Variants in AKT3 observed in about 807,000 individuals in gnomAD.
AKT3 encodes the protein RAC-gamma serine/threonine-protein kinase.
In AKT3, 15 loss-of-function variants were observed where a neutral mutation model predicts 65.3. The ratio of observed to expected loss-of-function variants is 0.23; its 90% confidence interval spans 0.15 to 0.35. The LOEUF (loss-of-function observed/expected upper bound fraction) is 0.35. AKT3 is among the 10% of genes least tolerant of loss of function. AKT3 has a pLI of 1.00. For synonymous variants in AKT3, 206 were observed against 183.8 expected, an observed-to-expected ratio of 1.12 and a Z score of -0.98; for missense variants, 243 against 576.5, an observed-to-expected ratio of 0.42 and a Z score of 5.92.
intron 12 of AKT3, among the ~76,000 whole-genome samples, chr1:243,518,045 G>T (rs796989218): frequency 2.0e-5 from 3 of 152,190 alleles, no homozygotes; most frequent in East Asian, 3.8e-4. Context: ...CTGGTTAAAT[G>T]GCTTGCCAAA....
intron 13 of AKT3, among the ~76,000 whole-genome samples, chr1:243,493,335 T>C (rs1426025785): frequency 6.6e-6 from 1 of 152,060 alleles, no homozygotes; most frequent in East Asian, 1.9e-4. Context: ...GCCTGGGGGC[T>C]CTAACATCTG....
At chr1:243,744,885 G>A (rs573558860) in intron 2 of AKT3, among the ~76,000 whole-genome samples, 1 of 151,918 alleles carries the variant, frequency 6.6e-6, no homozygotes, top group African/African-American at 2.4e-5. Context: ...TCACCATGAG[G>A]GGATCTCATT....
At chr1:243,630,412 C>T (rs1679521575) in intron 6 of AKT3, among the ~76,000 whole-genome samples, 1 of 152,170 alleles carries the variant, frequency 6.6e-6, no homozygotes, top group African/African-American at 2.4e-5. Context: ...TTATCTGCTT[C>T]CAAAATACAA....
chr1:243,653,235 A>G (rs560502174), intron 4 of AKT3, among the ~76,000 whole-genome samples: 21 of 152,358 alleles, frequency 1.4e-4, no homozygotes, highest in African/African-American at 4.8e-4. Context: ...CAAATAAACT[A>G]GAAAATCTAG....
intron 2 of AKT3, among the ~76,000 whole-genome samples, chr1:243,818,417 G>C (rs1289813075): frequency 6.6e-6 from 1 of 152,048 alleles, no homozygotes; most frequent in Non-Finnish European, 1.5e-5. Flanking sequence ...ACACATCCCA[G>C]TTTCTGGCAC....
chr1:243,618,569 A>G (rs2148615509), intron 6 of AKT3, among the ~76,000 whole-genome samples: 1 of 152,316 alleles, frequency 6.6e-6, no homozygotes, highest in South Asian at 2.1e-4. Context: ...GAAGAGTTCT[A>G]GAAATGCTTG....
chr1:243,634,359 T>C (rs1679823469), intron 6 of AKT3, among the ~76,000 whole-genome samples: 1 of 152,008 alleles, frequency 6.6e-6, no homozygotes, highest in Non-Finnish European at 1.5e-5. Context: ...TTCCTACACA[T>C]ACTACCTAAG....
At chr1:243,499,031 C>T (rs746897720), downstream of AKT3, among the ~76,000 whole-genome samples, 3 of 152,228 alleles carry the variant, frequency 2.0e-5, no homozygotes, top group Non-Finnish European at 4.4e-5. Flanking sequence ...GGAGTGGAAA[C>T]ATTTCCAGTG....
chr1:243,722,737 C>T lies in AKT3; in HGVS notation c.47-27021G>A, dbSNP rs562725350. Among the ~76,000 whole-genome samples the T allele has an allele frequency of 4.6e-5, 7 of 152,164 alleles. No homozygotes were observed. In the South Asian group the frequency reaches 1.5e-3, roughly 32 times the overall value. On this transcript the variant is annotated intron_variant, in intron 2 of 13. Coordinates refer to ENST00000673466, the MANE Select transcript of AKT3 (RefSeq NM_005465.7). The stretch of plus-strand genomic sequence containing the variant: ...ATGTCTTCAATAAAACATCAACTAA[C>T]TCAGAAAAAGAAATACCATGGCAAA...
chr1:243,531,078 T>C (rs1671490687), intron 12 of AKT3, among the ~76,000 whole-genome samples: 1 of 152,154 alleles, frequency 6.6e-6, no homozygotes, highest in Admixed American at 6.5e-5. Context: ...ATTCTATCTA[T>C]CTATCTATCC....
At chr1:243,643,679 T>C (rs1310339079) in intron 5 of AKT3, among the ~76,000 whole-genome samples, 1 of 152,114 alleles carries the variant, frequency 6.6e-6, no homozygotes. Flanking sequence ...CTAAGGGAGG[T>C]AACGAACCCT....
chr1:243,829,419 A>C (rs992495517), intron 2 of AKT3, among the ~76,000 whole-genome samples: 15 of 152,214 alleles, frequency 9.9e-5, no homozygotes, highest in African/African-American at 3.1e-4. Flanking sequence ...TAACAACTAA[A>C]AAATTTTACA....
intron 8 of AKT3, among the ~76,000 whole-genome samples, chr1:243,579,506 A>C (rs1574644099): frequency 1.3e-5 from 2 of 152,346 alleles, no homozygotes; most frequent in Middle Eastern, 6.8e-3. Context: ...TGCTGTACTT[A>C]GGAATTAGGT....
intron 2 of AKT3, among the ~76,000 whole-genome samples, chr1:243,838,882 A>G (rs546697991): frequency 1.3e-5 from 2 of 152,334 alleles, no homozygotes; most frequent in African/African-American, 4.8e-5. Context: ...ACAACATGAA[A>G]GTTCAGTTTG....
intron 8 of AKT3, among the ~76,000 whole-genome samples, chr1:243,590,109 G>C (rs369423254): frequency 1.6e-4 from 24 of 152,270 alleles, no homozygotes; most frequent in East Asian, 7.7e-4. Flanking sequence ...GTAAAATGGG[G>C]AGATACTTGT....
At chr1:243,623,809 G>A (rs932282084) in intron 6 of AKT3, among the ~76,000 whole-genome samples, 3 of 152,138 alleles carry the variant, frequency 2.0e-5, no homozygotes, top group African/African-American at 2.4e-5. Flanking sequence ...ATAATCACAT[G>A]AGCCAATTTC....
chr1:243,648,710 C>A (rs532088952), intron 4 of AKT3, among the ~76,000 whole-genome samples: 2 of 152,258 alleles, frequency 1.3e-5, no homozygotes, highest in South Asian at 4.1e-4. Flanking sequence ...GGCTTGGAAC[C>A]TTTGAGGAAA....
intron 2 of AKT3, among the ~76,000 whole-genome samples, chr1:243,792,332 T>C (rs948743418): frequency 6.6e-6 from 1 of 152,136 alleles, no homozygotes; most frequent in African/African-American, 2.4e-5. Context: ...TCTCCAATGC[T>C]GCCAATCATG....
intron 2 of AKT3, among the ~76,000 whole-genome samples, chr1:243,804,923 A>G (rs1179925121): frequency 6.6e-6 from 1 of 152,136 alleles, no homozygotes; most frequent in East Asian, 1.9e-4. Flanking sequence ...CTGCATTTTT[A>G]AATAGTATTA....
Sources: gnomAD v4.1 joint callset for allele counts (sites outside exome capture counted in the v4.1 genomes callset) on GRCh38, gnomAD v4.1.1 for gene constraint, MANE v1.5 for transcripts, NCBI Gene and HGNC (gene_info 2026-07-23, HGNC 2026-07-21) for gene names.